FOXP1: variants seen among roughly 807,000 people sequenced by gnomAD.
FOXP1 encodes forkhead box P1, also known as forkhead box protein P1.
In FOXP1, 15 loss-of-function variants were observed where a neutral mutation model predicts 98.2. The observed-to-expected ratio is 0.15, with a 90% CI of 0.10 to 0.24. The LOEUF is 0.24. FOXP1 is among the 10% of genes least tolerant of loss of function. The pLI, the probability that FOXP1 is intolerant of heterozygous loss-of-function variation, is 1.00. For synonymous variants in FOXP1, 371 were observed against 314.5 expected, an observed-to-expected ratio of 1.18 and a Z score of -1.90; for missense variants, 633 against 848.5, an observed-to-expected ratio of 0.75 and a Z score of 3.15.
intron 4 of FOXP1, among the ~76,000 whole-genome samples, chr3:71,349,675 A>T (rs970956764): frequency 2.0e-5 from 3 of 152,250 alleles, no homozygotes; most frequent in African/African-American, 7.2e-5. Context: ...CACATGGAAA[A>T]ACATTTATAT....
At chr3:71,577,700 A>G (rs1484882853) in intron 2 of FOXP1, among the ~76,000 whole-genome samples, 1 of 152,136 alleles carries the variant, frequency 6.6e-6, no homozygotes, top group Non-Finnish European at 1.5e-5. Flanking sequence ...AAAAAAATGC[A>G]TGGGCCCAAG....
At chr3:70,976,739 C>A (rs1037353724) in intron 17 of FOXP1, among the ~76,000 whole-genome samples, 2 of 152,216 alleles carry the variant, frequency 1.3e-5, no homozygotes, top group Admixed American at 1.3e-4. Flanking sequence ...ACTGCTGATG[C>A]TGGTATAATG....
At chr3:71,004,077 G>A (rs2042451602) in intron 12 of FOXP1, among the ~76,000 whole-genome samples, 1 of 88,224 alleles carries the variant, frequency 1.1e-5, no homozygotes, top group African/African-American at 7.3e-5. Flanking sequence ...GACTTTAAGT[G>A]GAACCCTACA....
intron 3 of FOXP1, among the ~76,000 whole-genome samples, chr3:71,369,309 GA>G (rs1028447365): frequency 6.6e-6 from 1 of 152,110 alleles, no homozygotes; most frequent in African/African-American, 2.4e-5. Context: ...AGAATAGCTT[GA>G]ATCTGGGATG....
At chr3:71,537,606 CAG>C (rs756684634) in intron 2 of FOXP1, among the ~76,000 whole-genome samples, 3 of 152,224 alleles carry the variant, frequency 2.0e-5, no homozygotes, top group African/African-American at 7.2e-5. Context: ...TGGAACTCAA[CAG>C]AGTCAAGGAC....
At chr3:71,428,472 C>T (rs964459434) in intron 3 of FOXP1, among the ~76,000 whole-genome samples, 1 of 152,244 alleles carries the variant, frequency 6.6e-6, no homozygotes, top group Non-Finnish European at 1.5e-5. Flanking sequence ...ATTGTTTTGG[C>T]AAAACAGCTT....
In FOXP1 at chr3:71,397,434, T is replaced by G. The variant is rs144493652; in HGVS notation, c.-167-38190A>C. 4.0e-3 allele frequency among the ~76,000 whole-genome samples: 610 copies of G among 152,326 alleles called. 3 individuals carry two copies. The highest frequency in any genetic ancestry group is 0.014 in the African/African-American group (587 of 41,564). Reference sequence around the variant, plus strand: ...CAAGTGATATCCTGAATGTAGGTATTGCTGCCTGCGGTTCTTTGGATTGTT... The same window carrying G: ...CAAGTGATATCCTGAATGTAGGTATGGCTGCCTGCGGTTCTTTGGATTGTT... On this transcript the variant is annotated intron_variant, in intron 3 of 20. Coordinates refer to ENST00000649528, the MANE Select transcript of FOXP1 (RefSeq NM_001349338.3).
rs573349092 is a variant in FOXP1, at chr3:71,054,466, C to T, written c.283-693G>A. On this transcript the variant is annotated intron_variant, in intron 7 of 20. Transcript: ENST00000649528. Reference sequence around the variant, plus strand: ...AACTGTTAACACGTTTCTGCACGGGCATCTTTGCAAGGAACCTGCACACTG... The same window carrying T: ...AACTGTTAACACGTTTCTGCACGGGTATCTTTGCAAGGAACCTGCACACTG... Among the ~76,000 whole-genome samples the T allele has an allele frequency of 4.6e-5, 7 of 152,326 alleles. No homozygotes were observed. The South Asian group carries it at 1.2e-3, about 27-fold the overall frequency.
chr3:71,119,792 C>T (rs1164561662), intron 6 of FOXP1, among the ~76,000 whole-genome samples: 2 of 151,912 alleles, frequency 1.3e-5, no homozygotes, highest in Admixed American at 6.6e-5. Flanking sequence ...AGGGTTGTGA[C>T]TGACTTAAAA....
intron 3 of FOXP1, among the ~76,000 whole-genome samples, chr3:71,461,474 A>T (rs1361597308): frequency 6.6e-6 from 1 of 152,162 alleles, no homozygotes; most frequent in Non-Finnish European, 1.5e-5. Context: ...AGCCTGGGCG[A>T]CAGAATGAGA....
At chr3:71,374,005 C>A (rs1283949382) in intron 3 of FOXP1, among the ~76,000 whole-genome samples, 1 of 152,132 alleles carries the variant, frequency 6.6e-6, no homozygotes, top group East Asian at 1.9e-4. Context: ...ATTAATGTAG[C>A]AAAATACCAC....
chr3:71,100,807 C>T (rs2056886312), intron 7 of FOXP1, among the ~76,000 whole-genome samples: 1 of 152,184 alleles, frequency 6.6e-6, no homozygotes, highest in Non-Finnish European at 1.5e-5. Context: ...CCCCTCTCCC[C>T]AGTCAGAAGG....
intron 2 of FOXP1, among the ~76,000 whole-genome samples, chr3:71,510,138 G>A (rs9859579): frequency 0.1 from 14,877 of 148,276 alleles, 1,070 homozygotes; most frequent in African/African-American, 0.21. Context: ...CCGAGATTGC[G>A]CCATTGCACT....
chr3:71,445,753 T>TCTCAG (rs2086355749), intron 3 of FOXP1, among the ~76,000 whole-genome samples: 1 of 150,638 alleles, frequency 6.6e-6, no homozygotes, highest in Non-Finnish European at 1.5e-5. Flanking sequence ...AGTGGCGCAA[T>TCTCAG]CTCAGCTCAC....
At chr3:71,224,863 G>C (rs1402172484) in intron 5 of FOXP1, among the ~76,000 whole-genome samples, 1 of 152,186 alleles carries the variant, frequency 6.6e-6, no homozygotes, top group African/African-American at 2.4e-5. Flanking sequence ...GATAATGTAG[G>C]CAATGTGTTT....
intron 3 of FOXP1, among the ~76,000 whole-genome samples, chr3:71,485,151 G>A (rs902253216): frequency 2.6e-5 from 4 of 152,132 alleles, no homozygotes; most frequent in Non-Finnish European, 5.9e-5. Flanking sequence ...AGCAGGTGTT[G>A]GGTAGAGGAC....
chr3:71,343,552 A>C (rs933462704), intron 4 of FOXP1, among the ~76,000 whole-genome samples: 1 of 75,846 alleles, frequency 1.3e-5, no homozygotes, highest in African/African-American at 4.0e-5. Context: ...AATCTCAATT[A>C]GATTTTTTTT....
At chr3:71,510,631 C>T (rs986086134) in intron 2 of FOXP1, among the ~76,000 whole-genome samples, 4 of 152,140 alleles carry the variant, frequency 2.6e-5, no homozygotes, top group Non-Finnish European at 5.9e-5. Flanking sequence ...GTAGTGAGCT[C>T]CTTGCTCTTC....
intron 3 of FOXP1, among the ~76,000 whole-genome samples, chr3:71,486,150 G>C (rs1189281034): frequency 6.6e-6 from 1 of 152,132 alleles, no homozygotes; most frequent in Non-Finnish European, 1.5e-5. Context: ...CTCTTGCTAT[G>C]CAATTCTGAG....
Sources: allele counts gnomAD v4.1 joint callset (sites outside exome capture counted in the v4.1 genomes callset), GRCh38; gene constraint gnomAD v4.1.1; transcripts MANE v1.5; gene names NCBI Gene and HGNC (gene_info 2026-07-23, HGNC 2026-07-21).